The following MPP4 variants were observed in gnomAD, a reference collection of about 807,000 sequenced individuals.
MPP4 encodes the protein MAGUK p55 scaffold protein 4, also known as MAGUK p55 subfamily member 4.
Under a neutral mutation model 98.3 loss-of-function variants are expected in MPP4, and 91 were observed. The observed-to-expected ratio is 0.93, with a 90% confidence interval of 0.78 to 1.10. The LOEUF (loss-of-function observed/expected upper bound fraction) is 1.10. Ranked by LOEUF, MPP4 falls within the 50% of genes least tolerant of loss-of-function variation. The pLI is 0.00. For synonymous variants in MPP4, 261 were observed against 271.8 expected, an observed-to-expected ratio of 0.96 and a Z score of 0.39; for missense variants, 744 against 792.9, an observed-to-expected ratio of 0.94 and a Z score of 0.74.
chr2:201,672,577 C>A (rs1234204389), intron 11 of MPP4, among the ~76,000 whole-genome samples: 2 of 152,192 alleles, frequency 1.3e-5, no homozygotes, highest in Non-Finnish European at 2.9e-5. Flanking sequence ...AACATCACCA[C>A]TGATCCCACA....
At chr2:201,669,088 TTG>T (rs770178008) in intron 12 of MPP4, among the ~76,000 whole-genome samples, 1,911 of 141,632 alleles carry the variant, frequency 0.013, 21 homozygotes, top group African/African-American at 0.03. Flanking sequence ...GCATCTTGCT[TTG>T]TGTGTGTGTG....
Position 201,645,408 on chromosome 2 carries a change from T to C in MPP4, c.1720-4A>G. Reference sequence around the variant, plus strand: ...CCATCTCTTGTAGGTCTTCATCCTTTAGGAGAAATAGAAAAATATGGATAG... The same window carrying C: ...CCATCTCTTGTAGGTCTTCATCCTTCAGGAGAAATAGAAAAATATGGATAG... On this transcript the variant is annotated splice_region_variant and splice_polypyrimidine_tract_variant and intron_variant, in intron 21 of 21. Transcript: ENST00000409474. The C allele has an allele frequency of 6.2e-7, 1 of 1,613,102 alleles. No individual in the cohort carries two copies. Among genetic ancestry groups the C allele is most frequent in the Non-Finnish European group, 8.5e-7 (1 of 1,179,228 alleles).
chr2:201,663,643 G>A (rs1003387588), intron 14 of MPP4, among the ~76,000 whole-genome samples: 1 of 152,170 alleles, frequency 6.6e-6, no homozygotes, highest in African/African-American at 2.4e-5. Flanking sequence ...CTGAGCCAAG[G>A]AAGTCAAGGC....
intron 14 of MPP4, chr2:201,661,628 G>A: frequency 4.4e-6 from 2 of 455,180 alleles, no homozygotes; most frequent in Admixed American, 2.3e-5. Flanking sequence ...AATAATGCCC[G>A]CTAACACTTG....
intron 4 of MPP4, among the ~76,000 whole-genome samples, chr2:201,689,834 T>C (rs1193220025): frequency 6.6e-6 from 1 of 151,894 alleles, no homozygotes; most frequent in African/African-American, 2.4e-5. Context: ...CCAAGTGAGA[T>C]GGAGAGGAGG....
At chr2:201,655,612 C>A (rs1193575209) in intron 17 of MPP4, among the ~76,000 whole-genome samples, 1 of 152,322 alleles carries the variant, frequency 6.6e-6, no homozygotes, top group South Asian at 2.1e-4. Flanking sequence ...GCTAAACAGG[C>A]AGACACGAAG....
intron 18 of MPP4, among the ~76,000 whole-genome samples, chr2:201,653,397 C>T (rs1169439566): frequency 6.6e-6 from 1 of 152,088 alleles, no homozygotes; most frequent in Admixed American, 6.5e-5. Flanking sequence ...CACACTCTTC[C>T]CACACTCAGT....
At chr2:201,651,232 A>T (rs1450748920) in intron 18 of MPP4, 2 of 985,476 alleles carry the variant, frequency 2.0e-6, no homozygotes, top group African/African-American at 3.5e-5. Context: ...GCCTTAAATT[A>T]TCAAAGGAGT....
In MPP4 at chr2:201,692,914, C is replaced by T. The variant is rs767269156; in HGVS notation, c.195G>A (p.Leu65=). 2.5e-6 allele frequency: 4 copies of T among 1,607,650 alleles called. No individual in the cohort carries two copies. In the South Asian group the frequency reaches 4.5e-5, roughly 18 times the overall value. The change falls in exon 3 of 22, where the codon CTG becomes CTA. Residue 65 remains leucine (L), a synonymous_variant. Transcript: ENST00000409474. ...DLLHSPWLQA[L]LKIYDCLQEF... Reference sequence around the variant, plus strand: ...CGAGCAAAGAAGCACTCACCTTTAGCAGAGCCTGAAGCCACGGCGAGTGGA... The same window carrying T: ...CGAGCAAAGAAGCACTCACCTTTAGTAGAGCCTGAAGCCACGGCGAGTGGA...
intron 13 of MPP4, 154 bp from the exon 14 acceptor site, chr2:201,664,255 C>G (rs930102627): frequency 6.7e-7 from 1 of 1,487,688 alleles, no homozygotes; most frequent in African/African-American, 1.4e-5. Flanking sequence ...TCGATGGTGT[C>G]TCTATGGCAT....
In MPP4 at chr2:201,654,873, CAATA is replaced by C. The variant is rs749988002; in HGVS notation, c.1341_1344del (p.Ile448AsnfsTer23). On this transcript the variant is annotated frameshift_variant, in exon 18 of 22. Transcript: ENST00000409474. LOFTEE classifies it high-confidence loss of function. ...CTTTGAAAATGGCTGGGATTAAATT[CAATA>C]AGTTGTCTTCTGAGCTCATTTACTC... is the stretch of plus-strand genomic sequence containing the variant. 36 of 1,605,058 alleles carry C rather than the reference CAATA, an allele frequency of 2.2e-5. No homozygotes were observed. The highest frequency in any genetic ancestry group is 1.9e-4 in the Admixed American group (11 of 58,828).
At chr2:201,654,535 C>T (rs539247693) in intron 18 of MPP4, among the ~76,000 whole-genome samples, 11 of 152,002 alleles carry the variant, frequency 7.2e-5, no homozygotes, top group Admixed American at 3.3e-4. Flanking sequence ...ACGAGTTAAT[C>T]GGTGCAGCAC....
At chr2:201,673,819 C>T (rs996256970) in intron 11 of MPP4, among the ~76,000 whole-genome samples, 7 of 152,174 alleles carry the variant, frequency 4.6e-5, no homozygotes, top group African/African-American at 7.2e-5. Context: ...AGGCTTGCCC[C>T]GGGCAGATCT....
At chr2:201,676,731 C>T (rs1021265248) in intron 10 of MPP4, among the ~76,000 whole-genome samples, 4 of 152,174 alleles carry the variant, frequency 2.6e-5, no homozygotes, top group Admixed American at 6.5e-5. Context: ...GAAACCCCAT[C>T]TCTACTAAAA....
intron 1 of MPP4, among the ~76,000 whole-genome samples, chr2:201,694,493 C>T (rs1689121781): frequency 6.6e-6 from 1 of 151,834 alleles, no homozygotes; most frequent in Admixed American, 6.6e-5. Flanking sequence ...TACTGAGGCA[C>T]ACTCTTGGAA....
At chr2:201,667,068 C>T (rs572049302) in intron 12 of MPP4, among the ~76,000 whole-genome samples, 1 of 152,058 alleles carries the variant, frequency 6.6e-6, no homozygotes, top group Non-Finnish European at 1.5e-5. Flanking sequence ...AGAAAATGCA[C>T]GAAAAGCTCA....
intron 7 of MPP4, 91 bp from the exon 8 acceptor site, chr2:201,683,007 C>G (rs1688707311): frequency 3.4e-6 from 3 of 876,188 alleles, no homozygotes; most frequent in Non-Finnish European, 3.7e-6. Flanking sequence ...AACTCACTAA[C>G]CCAAGCATGC....
At chr2:201,677,048 G>T (rs1384828394) in intron 10 of MPP4, among the ~76,000 whole-genome samples, 1 of 152,158 alleles carries the variant, frequency 6.6e-6, no homozygotes, top group Non-Finnish European at 1.5e-5. Context: ...TCCTAGTTAG[G>T]TGATGAGCTC....
At chr2:201,654,089 T>C (rs1381950958) in intron 18 of MPP4, among the ~76,000 whole-genome samples, 1 of 152,008 alleles carries the variant, frequency 6.6e-6, no homozygotes, top group Non-Finnish European at 1.5e-5. Context: ...CGATTATCTG[T>C]CTCAGCCTCC....
Sources: gnomAD v4.1 joint callset for allele counts (sites outside exome capture counted in the v4.1 genomes callset) on GRCh38, gnomAD v4.1.1 for gene constraint, MANE v1.5 for transcripts, NCBI Gene and HGNC (gene_info 2026-07-23, HGNC 2026-07-21) for gene names.